The following CDK14 variants were observed in gnomAD, a reference collection of about 807,000 sequenced individuals.
CDK14 encodes cyclin dependent kinase 14.
CDK14 carries 34 observed loss-of-function variants against 60.7 expected under a neutral mutation model. The ratio of observed to expected loss-of-function variants is 0.56; its 90% CI spans 0.43 to 0.75. The LOEUF is 0.75. CDK14 is among the 30% of genes least tolerant of loss of function. The pLI, the probability that CDK14 is intolerant of heterozygous loss-of-function variation, is 0.00. For synonymous variants in CDK14, 197 were observed against 203.7 expected, an observed-to-expected ratio of 0.97 and a Z score of 0.28; for missense variants, 482 against 564.1, an observed-to-expected ratio of 0.85 and a Z score of 1.47.
At chr7:91,014,693 T>C (rs1796252104) in intron 10 of CDK14, among the ~76,000 whole-genome samples, 1 of 152,192 alleles carries the variant, frequency 6.6e-6, no homozygotes, top group Non-Finnish European at 1.5e-5. Flanking sequence ...TTAAAGTAGG[T>C]TAGCTGCCAG....
chr7:91,120,568 CT>C, intron 14 of CDK14, among the ~76,000 whole-genome samples: 1 of 144,184 alleles, frequency 6.9e-6, no homozygotes, highest in Admixed American at 7.1e-5. Context: ...GAGTTTCACT[CT>C]TTTGCCCAGG....
At chr7:90,877,891 A>T (rs190019443) in intron 6 of CDK14, among the ~76,000 whole-genome samples, 1 of 152,152 alleles carries the variant, frequency 6.6e-6, no homozygotes, top group Non-Finnish European at 1.5e-5. Flanking sequence ...AAAGGGCAAC[A>T]TGATCATTCT....
chr7:90,800,618 C>T (rs935729946), intron 5 of CDK14, among the ~76,000 whole-genome samples: 5 of 151,908 alleles, frequency 3.3e-5, no homozygotes, highest in African/African-American at 1.2e-4. Context: ...GGTACAATTG[C>T]TTGTGAAGTT....
intron 11 of CDK14, among the ~76,000 whole-genome samples, chr7:91,077,005 G>T (rs1389231688): frequency 6.6e-6 from 1 of 152,174 alleles, no homozygotes; most frequent in East Asian, 1.9e-4. Flanking sequence ...AGTAGCTGCT[G>T]GTGAGGCTGA....
At chr7:90,881,081 T>C (rs1418429267) in intron 6 of CDK14, among the ~76,000 whole-genome samples, 2 of 151,980 alleles carry the variant, frequency 1.3e-5, no homozygotes. Context: ...AAGAACTGGG[T>C]GGGGGAGCAA....
intron 10 of CDK14, among the ~76,000 whole-genome samples, chr7:90,991,511 T>G (rs1242533965): frequency 1.3e-5 from 2 of 151,796 alleles, no homozygotes; most frequent in African/African-American, 4.8e-5. Context: ...AAAAAGAAAA[T>G]CACTCCCTGG....
At chr7:90,721,550 T>C (rs1281203840) in intron 2 of CDK14, among the ~76,000 whole-genome samples, 1 of 152,206 alleles carries the variant, frequency 6.6e-6, no homozygotes, top group Non-Finnish European at 1.5e-5. Flanking sequence ...TTTGAAAGGA[T>C]GCCAGTTTTC....
chr7:90,726,441 G>T (rs1429247844), intron 2 of CDK14, 126 bp from the exon 3 acceptor site: 4 of 1,253,544 alleles, frequency 3.2e-6, no homozygotes, highest in East Asian at 5.0e-5. Context: ...GCAGCTTTTA[G>T]AATGTGGGCT....
intron 14 of CDK14, among the ~76,000 whole-genome samples, 168 bp from the exon 15 acceptor site, chr7:91,206,997 T>A (rs1802921207): frequency 6.6e-6 from 1 of 152,198 alleles, no homozygotes; most frequent in African/African-American, 2.4e-5. Context: ...AGAAGGATTT[T>A]TTTTTGGTTA....
At chr7:90,596,830 G>A in intron 1 of CDK14, 112 bp downstream of exon 1, 1 of 880,836 alleles carries the variant, frequency 1.1e-6, no homozygotes, top group Non-Finnish European at 1.8e-6. Flanking sequence ...CGTGGGGTGC[G>A]TTGTAGGCGG....
At chr7:91,035,395 C>A (rs913551677) in intron 10 of CDK14, among the ~76,000 whole-genome samples, 4 of 152,144 alleles carry the variant, frequency 2.6e-5, no homozygotes, top group Admixed American at 6.5e-5. Context: ...GTTAGAATGC[C>A]CTTCTTTGCT....
At chr7:90,851,784 T>TA (rs398039761) in intron 5 of CDK14, among the ~76,000 whole-genome samples, 13 of 152,034 alleles carry the variant, frequency 8.6e-5, no homozygotes, top group Admixed American at 2.6e-4. Flanking sequence ...GTTTTTTTTT[T>TA]AATTATTATG....
intron 2 of CDK14, among the ~76,000 whole-genome samples, chr7:90,714,163 C>A (rs1420105188): frequency 6.6e-6 from 1 of 152,060 alleles, no homozygotes; most frequent in Non-Finnish European, 1.5e-5. Context: ...TAACAGAAAG[C>A]TCCAATATCC....
chr7:90,606,682 G>A (rs1006676679), intron 2 of CDK14, among the ~76,000 whole-genome samples: 6 of 152,200 alleles, frequency 3.9e-5, no homozygotes, highest in Non-Finnish European at 7.3e-5. Context: ...CCATTGTTTA[G>A]ATTCCGTATG....
intron 2 of CDK14, among the ~76,000 whole-genome samples, chr7:90,643,843 T>G (rs1319917408): frequency 6.6e-6 from 1 of 152,150 alleles, no homozygotes; most frequent in Non-Finnish European, 1.5e-5. Flanking sequence ...CAGCCTCAAA[T>G]TTTTATTTTT....
intron 2 of CDK14, chr7:90,692,776 C>A: frequency 3.8e-6 from 2 of 530,332 alleles, no homozygotes; most frequent in Non-Finnish European, 4.8e-6. Flanking sequence ...CTAAAATGGG[C>A]TATTGTGGTT....
At chr7:91,067,826 A>G (rs1055767687) in intron 11 of CDK14, among the ~76,000 whole-genome samples, 10 of 152,222 alleles carry the variant, frequency 6.6e-5, no homozygotes, top group Non-Finnish European at 1.3e-4. Context: ...CTTAGAACTA[A>G]TATTTATGTG....
intron 6 of CDK14, among the ~76,000 whole-genome samples, chr7:90,892,602 C>T (rs1161715162): frequency 1.3e-5 from 2 of 152,186 alleles, no homozygotes; most frequent in South Asian, 2.1e-4. Context: ...TATGGGAAAC[C>T]CACAGTCTAA....
At chr7:90,974,482 T>C (rs999885702) in intron 9 of CDK14, among the ~76,000 whole-genome samples, 4 of 152,324 alleles carry the variant, frequency 2.6e-5, no homozygotes, top group African/African-American at 9.6e-5. Context: ...TATGTTCTTC[T>C]GCCGTGGCTT....
Sources: gnomAD v4.1 joint callset for allele counts (sites outside exome capture counted in the v4.1 genomes callset) on GRCh38, gnomAD v4.1.1 for gene constraint, MANE v1.5 for transcripts, NCBI Gene and HGNC (gene_info 2026-07-23, HGNC 2026-07-21) for gene names.